Variants in PRR16 observed in about 807,000 individuals in gnomAD.
The protein encoded by PRR16 is proline rich 16, also known as protein Largen.
A neutral mutation model predicts 18.2 loss-of-function variants in PRR16; 6 were observed. That is an observed-to-expected ratio of 0.33 (90% CI 0.18 to 0.65). The LOEUF (loss-of-function observed/expected upper bound fraction) is 0.65, where lower values mean the gene tolerates loss of function less well. Among genes scored for constraint, PRR16 ranks in the 30% least tolerant of loss-of-function variants. The pLI is 0.74. For synonymous variants in PRR16, 151 were observed against 147.8 expected, an observed-to-expected ratio of 1.02 and a Z score of -0.16; for missense variants, 412 against 376.6, an observed-to-expected ratio of 1.09 and a Z score of -0.78.
chr5:120,697,067 A>G, the PRR16 span, among the ~76,000 whole-genome samples: 1 of 152,212 alleles, frequency 6.6e-6, no homozygotes, highest in African/African-American at 2.4e-5. Context: ...GACTTTTTTA[A>G]AACAAGTTTG....
the PRR16 span, among the ~76,000 whole-genome samples, chr5:120,739,475 A>C: frequency 1.3e-5 from 2 of 152,190 alleles, no homozygotes; most frequent in Non-Finnish European, 2.9e-5. Context: ...AAACAAAGAC[A>C]GTTGCCATGT....
chr5:120,686,321 A>C lies in PRR16; in HGVS notation c.527A>C (p.Asn176Thr), dbSNP rs778905803. 2 of 1,614,142 alleles carry C rather than the reference A, an allele frequency of 1.2e-6. No individual in the cohort carries two copies. Among genetic ancestry groups the C allele is most frequent in the Non-Finnish European group, 1.7e-6 (2 of 1,180,012 alleles). ...IPNGDICCIP[N>T]SNLDKAPVQL... is the part of the protein sequence containing the mutation. ...AATGGAGATATCTGCTGCATACCCA[A>C]CAGTAACTTGGACAAGGCTCCAGTC... is the stretch of plus-strand genomic sequence containing the variant. Residue 176 changes from asparagine (N) to threonine (T), a missense_variant, in exon 2 of 2, where the codon AAC becomes ACC. By Grantham distance (65) the Asn-to-Thr change is moderately conservative. Transcript: ENST00000407149.
chr5:120,555,938 A>C (rs1484544211), intron 1 of PRR16, among the ~76,000 whole-genome samples: 1 of 151,692 alleles, frequency 6.6e-6, no homozygotes, highest in Non-Finnish European at 1.5e-5. Flanking sequence ...AAAATTGATT[A>C]AAAAAGACTT....
chr5:120,753,635 G>T, the PRR16 span, among the ~76,000 whole-genome samples: 4 of 150,978 alleles, frequency 2.6e-5, no homozygotes, highest in South Asian at 8.3e-4. Flanking sequence ...GATGAATTAG[G>T]TATAAGAAAC....
intron 1 of PRR16, among the ~76,000 whole-genome samples, chr5:120,523,373 C>T (rs189318243): frequency 6.6e-6 from 1 of 152,226 alleles, no homozygotes; most frequent in East Asian, 1.9e-4. Context: ...TAATGGTTGA[C>T]ATCATCATTA....
intron 1 of PRR16, among the ~76,000 whole-genome samples, chr5:120,660,905 G>A (rs755736253): frequency 2.6e-5 from 4 of 151,992 alleles, no homozygotes; most frequent in Non-Finnish European, 5.9e-5. Context: ...CAAGTATATC[G>A]TCAAGTCATT....
chr5:120,489,222 T>C (rs536211611), intron 1 of PRR16, among the ~76,000 whole-genome samples: 9 of 152,286 alleles, frequency 5.9e-5, no homozygotes, highest in Admixed American at 4.6e-4. Context: ...ACTTTCTGTC[T>C]TGTTGATCTG....
chr5:120,636,633 C>CA (rs1273914278), intron 1 of PRR16, among the ~76,000 whole-genome samples: 4 of 152,044 alleles, frequency 2.6e-5, no homozygotes, highest in Admixed American at 6.6e-5. Flanking sequence ...AAAATCAACT[C>CA]ACAATAGATC....
chr5:120,699,548 C>A, the PRR16 span, among the ~76,000 whole-genome samples: 52,196 of 151,892 alleles, frequency 0.34, 10,013 homozygotes, highest in East Asian at 0.77. Context: ...AGCCAGGAAG[C>A]AGAAAGTATA....
intron 1 of PRR16, among the ~76,000 whole-genome samples, chr5:120,523,440 C>T (rs1024578408): frequency 5.3e-5 from 8 of 151,984 alleles, no homozygotes; most frequent in African/African-American, 1.9e-4. Context: ...ATGAACTTTG[C>T]CATAGCACAG....
At chr5:120,784,261 G>T in the PRR16 span, among the ~76,000 whole-genome samples, 9,121 of 152,136 alleles carry the variant, frequency 0.06, 643 homozygotes, top group African/African-American at 0.17. Context: ...TAGTTCTACT[G>T]TTAGTTTTTT....
intron 1 of PRR16, among the ~76,000 whole-genome samples, chr5:120,591,616 A>C (rs1200795581): frequency 6.6e-6 from 1 of 152,006 alleles, no homozygotes; most frequent in African/African-American, 2.4e-5. Context: ...GGTTTTAAGT[A>C]GAAACAAACA....
At chr5:120,530,281 A>ATATATATATTTATT (rs1447791509) in intron 1 of PRR16, among the ~76,000 whole-genome samples, 7 of 92,694 alleles carry the variant, frequency 7.6e-5, no homozygotes, top group African/African-American at 3.0e-4. Context: ...ATATATATAT[A>ATATATATATTTATT]TATTTATTTA....
chr5:120,629,978 T>C (rs1283285213), intron 1 of PRR16, among the ~76,000 whole-genome samples: 2 of 152,094 alleles, frequency 1.3e-5, no homozygotes, highest in African/African-American at 2.4e-5. Flanking sequence ...TTATTTTCTT[T>C]TGTCATTGGC....
intron 1 of PRR16, among the ~76,000 whole-genome samples, chr5:120,492,091 CTT>C (rs751508483): frequency 9.6e-5 from 13 of 135,756 alleles, no homozygotes; most frequent in Non-Finnish European, 1.1e-4. Flanking sequence ...TGTTTGTTTT[CTT>C]TTTTTTTTTT....
At chr5:120,789,469 G>GA in the PRR16 span, among the ~76,000 whole-genome samples, 3 of 151,910 alleles carry the variant, frequency 2.0e-5, no homozygotes, top group Admixed American at 6.6e-5. Flanking sequence ...CTATATCAAG[G>GA]AAAAAATAAC....
At position 120,604,952 on chromosome 5, in the gene PRR16, G is replaced by T. The variant is rs764579300; in HGVS notation, c.160-81002G>T. 4.0e-4 allele frequency among the ~76,000 whole-genome samples: 61 copies of T among 152,016 alleles called. 2 individuals are homozygous for T. Among genetic ancestry groups the T allele is most frequent in the Non-Finnish European group, 1.2e-4 (8 of 68,000 alleles). The stretch of plus-strand genomic sequence containing the variant: ...GTATATAACCTGTCCCTTCTCTGTC[G>T]CTGCCTTTAAGATTTTTGTTGTTGT... On this transcript the variant is annotated intron_variant, in intron 1 of 1. Coordinates refer to ENST00000407149, the MANE Select transcript of PRR16 (RefSeq NM_001300783.2).
At chr5:120,698,178 C>T in the PRR16 span, among the ~76,000 whole-genome samples, 35 of 151,794 alleles carry the variant, frequency 2.3e-4, no homozygotes, top group African/African-American at 7.5e-4. Flanking sequence ...TGAGGGGTGG[C>T]GTGGGAACCT....
chr5:120,529,032 C>G (rs1751461266), intron 1 of PRR16, among the ~76,000 whole-genome samples: 2 of 151,872 alleles, frequency 1.3e-5, no homozygotes, highest in Non-Finnish European at 1.5e-5. Context: ...TTTTATGATT[C>G]AATTTTTGTC....
Sources: gnomAD v4.1 joint callset for allele counts (sites outside exome capture counted in the v4.1 genomes callset) on GRCh38, gnomAD v4.1.1 for gene constraint, MANE v1.5 for transcripts, NCBI Gene and HGNC (gene_info 2026-07-23, HGNC 2026-07-21) for gene names.